Variants in CNST observed in about 807,000 individuals in gnomAD.
CNST encodes consortin.
A neutral mutation model predicts 72.4 loss-of-function variants in CNST; 39 were observed. The observed-to-expected ratio is 0.54, with a 90% CI of 0.42 to 0.70. The LOEUF is 0.70. CNST is among the 30% of genes least tolerant of loss of function. CNST has a pLI of 0.00. For synonymous variants in CNST, 332 were observed against 320.1 expected, an observed-to-expected ratio of 1.04 and a Z score of -0.40; for missense variants, 871 against 868.5, an observed-to-expected ratio of 1.00 and a Z score of -0.04.
At chr1:246,620,820 G>C (rs1334761759) in intron 2 of CNST, among the ~76,000 whole-genome samples, 3 of 151,180 alleles carry the variant, frequency 2.0e-5, no homozygotes, top group African/African-American at 7.3e-5. Flanking sequence ...CTTCAGTCGT[G>C]CATACACACG....
At chr1:246,605,257 G>C (rs1382366981) in intron 2 of CNST, among the ~76,000 whole-genome samples, 1 of 152,230 alleles carries the variant, frequency 6.6e-6, no homozygotes, top group East Asian at 1.9e-4. Context: ...TGGTGCTTGA[G>C]TTGTTTGTGG....
chr1:246,586,695 C>A lies in CNST; in HGVS notation c.-51-4817C>A, dbSNP rs532125694. On this transcript the variant is annotated intron_variant, in intron 1 of 10. Coordinates refer to ENST00000366513, the MANE Select transcript of CNST (RefSeq NM_152609.3). The stretch of plus-strand genomic sequence containing the variant: ...CGGTTATATAGCCCAACATATAAAC[C>A]TGAAGAAATGGACTCATAACATTAA... Among the ~76,000 whole-genome samples the A allele has an allele frequency of 5.9e-5, 9 of 152,096 alleles. No homozygotes were observed. In the East Asian group the frequency reaches 1.7e-3, roughly 29 times the overall value.
Position 246,590,450 on chromosome 1 carries a change from T to G in CNST, c.-51-1062T>G, listed in dbSNP as rs547606050. On this transcript the variant is annotated intron_variant, in intron 1 of 10. Transcript: ENST00000366513. ...TTTCCAACTTTTTGCTTTCTCCCTT[T>G]TCGCCTGTCTTATAAACTAGGCAAA... 6.6e-5 allele frequency among the ~76,000 whole-genome samples: 10 copies of G among 152,294 alleles called. No homozygotes were observed. The East Asian group carries it at 1.9e-3, about 29-fold the overall frequency.
At chr1:246,619,649 T>C (rs946909849) in intron 2 of CNST, among the ~76,000 whole-genome samples, 3 of 152,200 alleles carry the variant, frequency 2.0e-5, no homozygotes, top group Non-Finnish European at 2.9e-5. Flanking sequence ...AGAACATAAA[T>C]AGGCTTAAAC....
chr1:246,592,856 A>G (rs369742201), intron 2 of CNST, among the ~76,000 whole-genome samples: 1 of 152,228 alleles, frequency 6.6e-6, no homozygotes, highest in African/African-American at 2.4e-5. Context: ...TGGCAGTTGA[A>G]GTTTAGAGCT....
Position 246,591,548 on chromosome 1 carries a change from C to G in CNST, c.-15C>G. 1 of 1,613,744 alleles carries G rather than the reference C, an allele frequency of 6.2e-7. No homozygotes were observed. Among genetic ancestry groups the G allele is most frequent in the Non-Finnish European group, 8.5e-7 (1 of 1,179,754 alleles). On this transcript the variant is annotated 5_prime_UTR_variant, in exon 2 of 11. Coordinates refer to ENST00000366513, the MANE Select transcript of CNST (RefSeq NM_152609.3). Reference sequence around the variant, plus strand: ...CTTTAATGTAACTTTAAATGGTTCACCAAAGGATGCTCTAATGGATGACAG... The same window carrying G: ...CTTTAATGTAACTTTAAATGGTTCAGCAAAGGATGCTCTAATGGATGACAG...
rs753738414 is a variant in CNST, at chr1:246,665,917, A to G, written c.*12A>G. On this transcript the variant is annotated 3_prime_UTR_variant, in exon 11 of 11. Transcript: ENST00000366513. ...TCTACCTCTCCTAGCAGCATTCCAG[A>G]CACAGACATGCTGGCAGTGAGAGTG... 2.5e-6 allele frequency: 4 copies of G among 1,576,384 alleles called. No homozygotes were observed. Among genetic ancestry groups the G allele is most frequent in the Non-Finnish European group, 3.5e-6 (4 of 1,147,512 alleles).
chr1:246,590,109 G>T (rs933962795), intron 1 of CNST, among the ~76,000 whole-genome samples: 1 of 152,122 alleles, frequency 6.6e-6, no homozygotes, highest in African/African-American at 2.4e-5. Context: ...TATTCGGGCG[G>T]GAGCTTTGGC....
intron 8 of CNST, among the ~76,000 whole-genome samples, chr1:246,646,123 AC>A (rs1411635926): frequency 6.6e-6 from 1 of 151,642 alleles, no homozygotes; most frequent in Non-Finnish European, 1.5e-5. Flanking sequence ...ACTAAAAAAT[AC>A]CAAAAATTAG....
chr1:246,605,649 G>C (rs1326914789), intron 2 of CNST, among the ~76,000 whole-genome samples: 2 of 146,462 alleles, frequency 1.4e-5, no homozygotes, highest in Non-Finnish European at 3.0e-5. Context: ...CTCGGTGGTG[G>C]GTGTCTTCCG....
intron 10 of CNST, among the ~76,000 whole-genome samples, chr1:246,661,606 C>T (rs1667109794): frequency 6.6e-6 from 1 of 152,212 alleles, no homozygotes; most frequent in African/African-American, 2.4e-5. Flanking sequence ...CTTGGTCTAA[C>T]ATGAGGTGGT....
intron 1 of CNST, among the ~76,000 whole-genome samples, chr1:246,577,636 A>G (rs1660513642): frequency 6.6e-6 from 1 of 152,118 alleles, no homozygotes; most frequent in African/African-American, 2.4e-5. Context: ...TAATGGGCAT[A>G]GAATTCTCTT....
At chr1:246,606,232 CAG>C (rs777935747) in intron 2 of CNST, 13 of 152,110 alleles carry the variant, frequency 8.5e-5, no homozygotes, top group Non-Finnish European at 1.8e-4. Context: ...TGGGATACCA[CAG>C]GGGAGAAACA....
Position 246,634,501 on chromosome 1 carries a change from TAC to T in CNST, c.734_735del (p.Thr245SerfsTer12), listed in dbSNP as rs1253721705. 1.3e-6 allele frequency: 2 copies of T among 1,599,800 alleles called. No homozygotes were observed. Among genetic ancestry groups the T allele is most frequent in the Non-Finnish European group, 1.7e-6 (2 of 1,176,682 alleles). ...ETKWKTVQPH[T>X]VTALRNSEKG... Reference sequence around the variant, plus strand: ...CAAAATGGAAAACTGTGCAACCACATACAGTTACGGCTCTAAGGAATTCAGAA... The same window carrying T: ...CAAAATGGAAAACTGTGCAACCACATAGTTACGGCTCTAAGGAATTCAGAA... On this transcript the variant is annotated frameshift_variant, in exon 6 of 11. Transcript: ENST00000366513. LOFTEE classifies it high-confidence loss of function.
At chr1:246,596,581 C>A (rs148538314) in intron 2 of CNST, among the ~76,000 whole-genome samples, 7 of 152,214 alleles carry the variant, frequency 4.6e-5, no homozygotes, top group African/African-American at 1.7e-4. Flanking sequence ...AGATGTAATT[C>A]ATATACATGC....
intron 1 of CNST, among the ~76,000 whole-genome samples, chr1:246,570,287 G>C (rs1207407652): frequency 6.6e-6 from 1 of 152,192 alleles, no homozygotes; most frequent in Non-Finnish European, 1.5e-5. Flanking sequence ...CAGAGCTGCT[G>C]TAACAAAGGT....
rs1342269145 is a variant in CNST at position 246,647,705 on chromosome 1, G to T, written c.1504G>T (p.Asp502Tyr). Residue 502 changes from aspartate (D) to tyrosine (Y), a missense_variant, in exon 9 of 11, where the codon GAC becomes TAC. Transcript: ENST00000366513. ...SDGKSPQAQA[D>Y]SDGSENVLCG... is the part of the protein sequence containing the mutation. Reference sequence around the variant, plus strand: ...TGGAAAATCACCACAGGCGCAGGCTGACTCAGACGGTTCTGAGAATGTGCT... The same window carrying T: ...TGGAAAATCACCACAGGCGCAGGCTTACTCAGACGGTTCTGAGAATGTGCT... The T allele has an allele frequency of 2.5e-6, 4 of 1,614,124 alleles. No individual in the cohort carries two copies. The highest frequency in any genetic ancestry group is 4.5e-5 in the East Asian group (2 of 44,876).
chr1:246,642,829 G>GGTGATGA (rs1156462438), intron 8 of CNST, among the ~76,000 whole-genome samples: 1 of 588 alleles, frequency 1.7e-3, no homozygotes, highest in Non-Finnish European at 3.0e-3. Flanking sequence ...GGTGATGATG[G>GGTGATGA]TGGTGATGGA....
At chr1:246,578,515 C>CA (rs1196915623) in intron 1 of CNST, among the ~76,000 whole-genome samples, 2 of 151,940 alleles carry the variant, frequency 1.3e-5, no homozygotes, top group Admixed American at 6.6e-5. Context: ...ACTAAACATA[C>CA]AAAAAATTAG....
Sources: gnomAD v4.1 joint callset for allele counts (sites outside exome capture counted in the v4.1 genomes callset) on GRCh38, gnomAD v4.1.1 for gene constraint, MANE v1.5 for transcripts, NCBI Gene and HGNC (gene_info 2026-07-23, HGNC 2026-07-21) for gene names.